Variants in ABCC4 observed in about 807,000 individuals in gnomAD.
The protein encoded by ABCC4 is ATP-binding cassette sub-family C member 4.
ABCC4 carries 102 observed loss-of-function variants against 168.5 expected under a neutral mutation model. The ratio of observed to expected loss-of-function variants is 0.61; its 90% CI spans 0.52 to 0.71. The LOEUF is 0.71. Ranked by LOEUF, ABCC4 falls within the 30% of genes least tolerant of loss-of-function variation. The pLI, the probability that ABCC4 is intolerant of heterozygous loss-of-function variation, is 0.00. For synonymous variants in ABCC4, 617 were observed against 590.7 expected (o/e 1.04, Z -0.65); for missense variants, 1,402 against 1,605.8 (o/e 0.87, Z 2.17).
At chr13:95,073,069 G>A (rs1487817180) in intron 24 of ABCC4, 135 bp downstream of exon 24, 14 of 616,496 alleles carry the variant, frequency 2.3e-5, no homozygotes, top group Non-Finnish European at 3.9e-5. Context: ...TTAAACAGAT[G>A]GAGGAAGGAT....
At chr13:95,148,565 C>T (rs2139501777) in intron 19 of ABCC4, among the ~76,000 whole-genome samples, 1 of 149,384 alleles carries the variant, frequency 6.7e-6, no homozygotes, top group Non-Finnish European at 1.5e-5. Flanking sequence ...TAAAAAGTCT[C>T]TCTCTCCCTC....
At chr13:95,104,048 G>C (rs1238724357) in intron 20 of ABCC4, among the ~76,000 whole-genome samples, 2 of 152,126 alleles carry the variant, frequency 1.3e-5, no homozygotes, top group Non-Finnish European at 2.9e-5. Flanking sequence ...CTTGTATTTG[G>C]CCAGCATGGA....
chr13:95,209,688 G>C (rs1179550509), intron 5 of ABCC4, 91 bp from the exon 6 acceptor site: 2 of 1,259,092 alleles, frequency 1.6e-6, no homozygotes, highest in Admixed American at 2.8e-5. Context: ...GAAAAGAACA[G>C]GCAAGATCCT....
At chr13:95,214,580 G>A (rs890021677) in intron 4 of ABCC4, among the ~76,000 whole-genome samples, 5 of 152,076 alleles carry the variant, frequency 3.3e-5, no homozygotes, top group African/African-American at 4.8e-5. Flanking sequence ...TATTTACAGT[G>A]CTGAAAGACA....
chr13:95,117,255 TAAA>T (rs5805902), intron 19 of ABCC4, among the ~76,000 whole-genome samples: 7 of 135,978 alleles, frequency 5.1e-5, no homozygotes, highest in Admixed American at 7.4e-5. Context: ...TCATGCCTGT[TAAA>T]AAAAAAAAAA....
chr13:95,178,171 T>TTAGG, intron 11 of ABCC4, 80 bp from the exon 12 acceptor site: 1 of 1,306,024 alleles, frequency 7.7e-7, no homozygotes, highest in Non-Finnish European at 1.1e-6. Context: ...CTTCCAAAGT[T>TTAGG]ATCCTAAACT....
At chr13:95,229,808 T>A (rs2039569106) in intron 4 of ABCC4, among the ~76,000 whole-genome samples, 1 of 152,180 alleles carries the variant, frequency 6.6e-6, no homozygotes, top group African/African-American at 2.4e-5. Context: ...AGATCCAGTC[T>A]CACTGGTGGC....
intron 1 of ABCC4, among the ~76,000 whole-genome samples, chr13:95,275,295 C>T (rs1566591621): frequency 6.6e-6 from 1 of 152,102 alleles, no homozygotes; most frequent in Non-Finnish European, 1.5e-5. Context: ...TGGAGCCTTG[C>T]TTTTTCTTTA....
intron 29 of ABCC4, among the ~76,000 whole-genome samples, chr13:95,039,797 G>A (rs146300214): frequency 9.2e-5 from 14 of 152,370 alleles, no homozygotes; most frequent in African/African-American, 2.9e-4. Flanking sequence ...TGCCATCGCT[G>A]ATAGTGGGGT....
rs374319908 is a variant in ABCC4 at position 95,220,428 on chromosome 13, G to A, written c.532-9647C>T. Among the ~76,000 whole-genome samples the A allele has an allele frequency of 3.9e-5, 6 of 152,108 alleles. No individual in the cohort carries two copies. The East Asian group carries it at 5.8e-4, about 15-fold the overall frequency. ...GAGTAGGCCAGATATTCAGTAATCC[G>A]AAAGTAACAGTACACAGTACTGTAA... On this transcript the variant is annotated intron_variant, in intron 4 of 30. Coordinates refer to ENST00000645237, the MANE Select transcript of ABCC4 (RefSeq NM_005845.5).
At chr13:95,023,907 G>A (rs527451224) in intron 30 of ABCC4, among the ~76,000 whole-genome samples, 1 of 152,190 alleles carries the variant, frequency 6.6e-6, no homozygotes, top group South Asian at 2.1e-4. Flanking sequence ...TGAACTGGTG[G>A]CTTTGAAAAC....
At chr13:95,096,059 T>C in intron 20 of ABCC4, 1 of 428,968 alleles carries the variant, frequency 2.3e-6, no homozygotes, top group Non-Finnish European at 4.1e-6. Context: ...AAAACAACAT[T>C]TAGCCAGGTA....
chr13:95,197,223 C>T (rs150128246), intron 8 of ABCC4, among the ~76,000 whole-genome samples: 13 of 152,276 alleles, frequency 8.5e-5, no homozygotes, highest in African/African-American at 2.9e-4. Flanking sequence ...ACTGTATGAT[C>T]GGCTTAAATT....
intron 4 of ABCC4, among the ~76,000 whole-genome samples, chr13:95,217,292 C>T (rs2039143754): frequency 6.6e-6 from 1 of 152,182 alleles, no homozygotes; most frequent in African/African-American, 2.4e-5. Flanking sequence ...ATATCACCAT[C>T]AAAGGGAGGT....
intron 4 of ABCC4, among the ~76,000 whole-genome samples, chr13:95,216,626 A>AC (rs1296233485): frequency 1.4e-4 from 21 of 150,174 alleles, no homozygotes; most frequent in East Asian, 1.4e-3. Context: ...AAAAAAAAAA[A>AC]AAAAAACCAG....
At position 95,218,146 on chromosome 13, in the gene ABCC4, C is replaced by T. The variant is rs190450102; in HGVS notation, c.532-7365G>A. On this transcript the variant is annotated intron_variant, in intron 4 of 30. Coordinates refer to ENST00000645237, the MANE Select transcript of ABCC4 (RefSeq NM_005845.5). ...GAGTTGAGTTTGTGAGGTAATGAAA[C>T]TTCCAATTAAACTGGGTATTTCTGC... 3.3e-5 allele frequency among the ~76,000 whole-genome samples: 5 copies of T among 152,300 alleles called. No homozygotes were observed. In the East Asian group the frequency reaches 7.7e-4, roughly 24 times the overall value.
At chr13:95,051,482 C>T (rs1181334437) in intron 27 of ABCC4, among the ~76,000 whole-genome samples, 1 of 152,090 alleles carries the variant, frequency 6.6e-6, no homozygotes, top group African/African-American at 2.4e-5. Context: ...GATCCTCCCA[C>T]CTCAACTCCC....
intron 10 of ABCC4, among the ~76,000 whole-genome samples, chr13:95,187,315 C>T (rs1386801977): frequency 1.3e-5 from 2 of 152,176 alleles, no homozygotes; most frequent in Non-Finnish European, 2.9e-5. Flanking sequence ...ATGTAAATAA[C>T]ATATCCTGGC....
chr13:95,113,911 T>C (rs1344764008), intron 20 of ABCC4, among the ~76,000 whole-genome samples: 1 of 152,218 alleles, frequency 6.6e-6, no homozygotes, highest in Non-Finnish European at 1.5e-5. Flanking sequence ...CTTTTATATT[T>C]AGCTAATACT....
Sources: allele counts gnomAD v4.1 joint callset (sites outside exome capture counted in the v4.1 genomes callset), GRCh38; gene constraint gnomAD v4.1.1; transcripts MANE v1.5; gene names NCBI Gene and HGNC (gene_info 2026-07-23, HGNC 2026-07-21).